The following ALPK2 variants were observed in gnomAD, a reference collection of about 807,000 sequenced individuals.
ALPK2 encodes the protein alpha-protein kinase 2.
In ALPK2, 127 loss-of-function variants were observed where a neutral mutation model predicts 163.1. The ratio of observed to expected loss-of-function variants is 0.78; its 90% CI spans 0.67 to 0.90. The LOEUF is 0.90. Among genes scored for constraint, ALPK2 ranks in the 40% least tolerant of loss-of-function variants. The probability of loss-of-function intolerance (pLI) is 0.00; values close to 1 mark genes in which losing one functional copy is unlikely to be tolerated. For missense variants in ALPK2, 2,360 were observed against 2,589.6 expected, an observed-to-expected ratio of 0.91 and a Z score of 1.92; for synonymous variants, 953 against 959.1, an observed-to-expected ratio of 0.99 and a Z score of 0.12.
intron 4 of ALPK2, among the ~76,000 whole-genome samples, chr18:58,564,312 G>A (rs571643553): frequency 6.6e-6 from 1 of 151,564 alleles, no homozygotes; most frequent in East Asian, 1.9e-4. Flanking sequence ...AGTAGAGATG[G>A]GGTTTCTCCA....
chr18:58,616,166 C>A (rs542194979), intron 1 of ALPK2, among the ~76,000 whole-genome samples: 1 of 152,160 alleles, frequency 6.6e-6, no homozygotes, highest in African/African-American at 2.4e-5. Context: ...GCTGGATTTG[C>A]CTTTTTTCTT....
intron 4 of ALPK2, among the ~76,000 whole-genome samples, chr18:58,548,670 A>C (rs2051733143): frequency 6.6e-6 from 1 of 152,112 alleles, no homozygotes; most frequent in Non-Finnish European, 1.5e-5. Context: ...CAGTACAATC[A>C]CAGGTGACGC....
At chr18:58,610,633 T>C (rs1014217157) in intron 2 of ALPK2, among the ~76,000 whole-genome samples, 2 of 152,148 alleles carry the variant, frequency 1.3e-5, no homozygotes, top group African/African-American at 4.8e-5. Context: ...GAGAGACTAA[T>C]TTAGCCAGTT....
At chr18:58,564,120 G>GTTTTTTTTTTTTT (rs1555672429) in intron 4 of ALPK2, among the ~76,000 whole-genome samples, 1 of 42,848 alleles carries the variant, frequency 2.3e-5, no homozygotes, top group Non-Finnish European at 3.9e-5. Context: ...TGATGTCTTT[G>GTTTTTTTTTTTTT]TTCTTTTTTT....
chr18:58,600,351 T>G (rs1158434838), intron 3 of ALPK2, among the ~76,000 whole-genome samples: 1 of 152,170 alleles, frequency 6.6e-6, no homozygotes, highest in African/African-American at 2.4e-5. Flanking sequence ...TGGGGGTGTC[T>G]TTAAGTGATT....
intron 3 of ALPK2, among the ~76,000 whole-genome samples, chr18:58,597,967 C>A (rs1649291620): frequency 6.6e-6 from 1 of 152,238 alleles, no homozygotes; most frequent in South Asian, 2.1e-4. Context: ...AGGAAGAGGG[C>A]CCTTACCAGA....
chr18:58,588,482 G>A (rs2051998289), intron 3 of ALPK2, among the ~76,000 whole-genome samples: 1 of 152,158 alleles, frequency 6.6e-6, no homozygotes, highest in African/African-American at 2.4e-5. Flanking sequence ...GGTAACGTGT[G>A]CCATGGTGGT....
chr18:58,557,363 G>A lies in ALPK2; in HGVS notation c.1963-19139C>T, dbSNP rs55962440. 5.0e-3 allele frequency among the ~76,000 whole-genome samples: 765 copies of A among 152,010 alleles called. 4 individuals carry two copies. Among genetic ancestry groups the A allele is most frequent in the African/African-American group, 0.016 (672 of 41,470 alleles). On this transcript the variant is annotated intron_variant, in intron 4 of 12. Coordinates refer to ENST00000361673, the MANE Select transcript of ALPK2 (RefSeq NM_052947.4). ...TGGGGGAGGCGTGTCATTAGACATC[G>A]TCCAAACCCACAGAATGGGCACCAC...
At chr18:58,489,813 T>TCTGTAATCCCAGCACTTTGGGAG (rs918608271) in intron 12 of ALPK2, among the ~76,000 whole-genome samples, 1 of 151,854 alleles carries the variant, frequency 6.6e-6, no homozygotes, top group Admixed American at 6.6e-5. Flanking sequence ...GTGGCTTATG[T>TCTGTAATCCCAGCACTTTGGGAG]CTGTAATCCC....
chr18:58,518,274 G>T (rs2051532766), intron 8 of ALPK2, among the ~76,000 whole-genome samples: 1 of 152,134 alleles, frequency 6.6e-6, no homozygotes, highest in Non-Finnish European at 1.5e-5. Context: ...ACTGATGGTA[G>T]CTATTAAAAC....
chr18:58,537,445 C>A lies in ALPK2; in HGVS notation c.2742G>T (p.Val914=). ...AGGCCAGTGGGTAGGTGGAATTCTC[C>A]ACCTTGGCTAGATTTTCTCCTGTGG... The part of the protein sequence containing the change: ...EGATGENLAK[V]ENSTYPLAST... Residue 914 remains valine (V), a synonymous_variant, in exon 5 of 13, where the codon GTG becomes GTT. Transcript: ENST00000361673. 1 of 1,612,502 alleles carries A rather than the reference C, an allele frequency of 6.2e-7. No individual in the cohort carries two copies. Among genetic ancestry groups the A allele is most frequent in the Non-Finnish European group, 8.5e-7 (1 of 1,178,910 alleles).
At chr18:58,603,022 C>A (rs181526652) in intron 3 of ALPK2, among the ~76,000 whole-genome samples, 1 of 152,294 alleles carries the variant, frequency 6.6e-6, no homozygotes, top group African/African-American at 2.4e-5. Flanking sequence ...AAATCTCTGC[C>A]CTTTTCCCAG....
At chr18:58,615,294 C>T (rs1403435188) in intron 1 of ALPK2, among the ~76,000 whole-genome samples, 1 of 152,066 alleles carries the variant, frequency 6.6e-6, no homozygotes, top group Non-Finnish European at 1.5e-5. Context: ...AGGGAAGTTA[C>T]TCAAATGGAG....
rs1350351881 is a variant in ALPK2, at chr18:58,537,120, G to T, written c.3067C>A (p.Leu1023Ile). 1 of 1,614,196 alleles carries T rather than the reference G, an allele frequency of 6.2e-7. No individual in the cohort carries two copies. The highest frequency in any genetic ancestry group is 1.3e-5 in the African/African-American group (1 of 75,058). The change falls in exon 5 of 13, where the codon CTT becomes ATT. Residue 1023 changes from leucine (L) to isoleucine (I), a missense_variant. Transcript: ENST00000361673. ...IATEVHPAKYLAVSIPEDKHA... is the reference protein window; with the variant it reads ...IATEVHPAKYIAVSIPEDKHA... ...TTGTCCTCAGGAATTGACACAGCAA[G>T]GTATTTGGCTGGGTGGACTTCGGTG...
intron 1 of ALPK2, among the ~76,000 whole-genome samples, chr18:58,626,325 G>A (rs1238901917): frequency 5.3e-5 from 8 of 152,034 alleles, no homozygotes; most frequent in South Asian, 2.1e-4. Context: ...CTGACCCCGC[G>A]CAATTCTAGC....
intron 5 of ALPK2, among the ~76,000 whole-genome samples, chr18:58,531,933 C>T (rs2051617438): frequency 6.9e-5 from 1 of 14,590 alleles, no homozygotes; most frequent in Admixed American, 1.1e-3. Flanking sequence ...AAGGCTCCGT[C>T]TCAAAAAAAA....
rs1459363140 is a variant in ALPK2, at chr18:58,523,990, G to A, written c.5574C>T (p.Cys1858=). ...CTTTTCCGTAGCTGTTCTTGATGCA[G>A]CAGTAATAGAGTCCCTGGTCCTTCG... ...ASPKDQGLYY[C]CIKNSYGKVT... The change falls in exon 7 of 13, where the codon TGC becomes TGT. Residue 1858 remains cysteine, a synonymous_variant. Coordinates refer to ENST00000361673, the MANE Select transcript of ALPK2 (RefSeq NM_052947.4). The A allele has an allele frequency of 6.2e-7, 1 of 1,614,180 alleles. No homozygotes were observed. The highest frequency in any genetic ancestry group is 8.5e-7 in the Non-Finnish European group (1 of 1,180,022).
At chr18:58,598,143 C>T (rs768616738) in intron 3 of ALPK2, among the ~76,000 whole-genome samples, 10 of 152,250 alleles carry the variant, frequency 6.6e-5, no homozygotes, top group African/African-American at 9.6e-5. Context: ...ACCCCTCTCA[C>T]GGACCACGCC....
chr18:58,569,180 TG>T (rs1251521488), intron 4 of ALPK2, among the ~76,000 whole-genome samples: 2 of 152,154 alleles, frequency 1.3e-5, no homozygotes, highest in Non-Finnish European at 2.9e-5. Flanking sequence ...CACTCCAACC[TG>T]GGTGACAGAG....
Sources: allele counts gnomAD v4.1 joint callset (sites outside exome capture counted in the v4.1 genomes callset), GRCh38; gene constraint gnomAD v4.1.1; transcripts MANE v1.5; gene names NCBI Gene and HGNC (gene_info 2026-07-23, HGNC 2026-07-21).